Variants in DCLK2 observed in about 807,000 individuals in gnomAD.
DCLK2 encodes the protein doublecortin like kinase 2, also known as serine/threonine-protein kinase DCLK2.
In DCLK2, 31 loss-of-function variants were observed where a neutral mutation model predicts 78.4. That is an observed-to-expected ratio of 0.40 (90% CI 0.30 to 0.53). The LOEUF (loss-of-function observed/expected upper bound fraction) is 0.53. Among genes scored for constraint, DCLK2 ranks in the 20% least tolerant of loss-of-function variants. The pLI, the probability that DCLK2 is intolerant of heterozygous loss-of-function variation, is 0.61. For synonymous variants in DCLK2, 407 were observed against 374.9 expected (o/e 1.09, Z -0.99); for missense variants, 872 against 973.7 (o/e 0.90, Z 1.39).
intron 1 of DCLK2, among the ~76,000 whole-genome samples, chr4:150,099,616 A>G (rs1320569915): frequency 6.6e-6 from 1 of 152,214 alleles, no homozygotes; most frequent in Non-Finnish European, 1.5e-5. Context: ...CCATGTGCTG[A>G]ACCTATGTGC....
chr4:150,235,459 T>C (rs1167430270), intron 10 of DCLK2, among the ~76,000 whole-genome samples: 2 of 152,112 alleles, frequency 1.3e-5, no homozygotes, highest in Non-Finnish European at 2.9e-5. Context: ...ACACTCCTCA[T>C]TGAGTCTCAC....
chr4:150,228,135 T>C (rs1490193253), intron 8 of DCLK2, among the ~76,000 whole-genome samples: 1 of 152,282 alleles, frequency 6.6e-6, no homozygotes, highest in Non-Finnish European at 1.5e-5. Context: ...TCTAGGAACA[T>C]TTGTAGTGGC....
intron 2 of DCLK2, among the ~76,000 whole-genome samples, chr4:150,187,816 T>TG (rs1489337417): frequency 6.6e-6 from 1 of 151,258 alleles, no homozygotes; most frequent in Non-Finnish European, 1.5e-5. Context: ...TTTTTTTTTT[T>TG]TTGTGACAGA....
chr4:150,233,524 G>C (rs1485461802), intron 10 of DCLK2, among the ~76,000 whole-genome samples: 2 of 152,220 alleles, frequency 1.3e-5, no homozygotes, highest in Non-Finnish European at 2.9e-5. Context: ...GCTCATAGGA[G>C]ACAGGAGTAG....
In DCLK2 at chr4:150,190,797, C is replaced by T. The variant is rs118183333; in HGVS notation, c.757-2341C>T. On this transcript the variant is annotated intron_variant, in intron 2 of 15. Transcript: ENST00000296550. ...TTAACTGGGTGAATTGTGTGGTCTGCGAATTACAGCTCAATAAACGCTTTT... is the reference window on the plus strand; with the variant it reads ...TTAACTGGGTGAATTGTGTGGTCTGTGAATTACAGCTCAATAAACGCTTTT... Among the ~76,000 whole-genome samples the T allele has an allele frequency of 5.3e-5, 8 of 152,042 alleles. No individual in the cohort carries two copies. The East Asian group carries it at 5.8e-4, about 11-fold the overall frequency.
intron 1 of DCLK2, among the ~76,000 whole-genome samples, chr4:150,097,153 G>C (rs1730522599): frequency 6.6e-6 from 1 of 150,410 alleles, no homozygotes; most frequent in Non-Finnish European, 1.5e-5. Flanking sequence ...CAGAGAGTGA[G>C]AAATTGGAAA....
chr4:150,250,736 T>G (rs979148086), intron 15 of DCLK2, among the ~76,000 whole-genome samples: 1 of 151,670 alleles, frequency 6.6e-6, no homozygotes, highest in Non-Finnish European at 1.5e-5. Flanking sequence ...CCTTGTTTCC[T>G]ACCCAACTAG....
At chr4:150,173,210 G>T (rs769303476) in intron 2 of DCLK2, among the ~76,000 whole-genome samples, 1 of 152,134 alleles carries the variant, frequency 6.6e-6, no homozygotes, top group Non-Finnish European at 1.5e-5. Flanking sequence ...TCTGGGCTAT[G>T]GTGTGCAGCA....
At chr4:150,196,670 A>AG (rs1739056813) in intron 3 of DCLK2, among the ~76,000 whole-genome samples, 1 of 151,786 alleles carries the variant, frequency 6.6e-6, no homozygotes. Flanking sequence ...ACTGGGGCAA[A>AG]AAAAAAAAAC....
At chr4:150,132,521 A>G (rs1733389636) in intron 2 of DCLK2, among the ~76,000 whole-genome samples, 1 of 152,240 alleles carries the variant, frequency 6.6e-6, no homozygotes, top group South Asian at 2.1e-4. Flanking sequence ...TAAACACTGA[A>G]TTAACAAATA....
chr4:150,252,231 C>T (rs1744227222), intron 15 of DCLK2, among the ~76,000 whole-genome samples: 1 of 152,230 alleles, frequency 6.6e-6, no homozygotes, highest in Non-Finnish European at 1.5e-5. Context: ...GGTACACAGT[C>T]TTGCTGTGCA....
Position 150,182,978 on chromosome 4 carries a change from C to T in DCLK2, c.757-10160C>T, listed in dbSNP as rs186235766. Among the ~76,000 whole-genome samples the T allele has an allele frequency of 1.7e-3, 258 of 152,188 alleles. 4 individuals are homozygous for T. The highest frequency in any genetic ancestry group is 5.9e-3 in the African/African-American group (243 of 41,498). On this transcript the variant is annotated intron_variant, in intron 2 of 15. Transcript: ENST00000296550. Reference sequence around the variant, plus strand: ...TTTTGTTCTCTCTCTCTCTCTTTCACACCACCAACCGCCCCCACCACCTGC... The same window carrying T: ...TTTTGTTCTCTCTCTCTCTCTTTCATACCACCAACCGCCCCCACCACCTGC...
intron 2 of DCLK2, among the ~76,000 whole-genome samples, chr4:150,118,373 G>T (rs1732260090): frequency 6.6e-6 from 1 of 152,076 alleles, no homozygotes; most frequent in Admixed American, 6.5e-5. Context: ...TCTGAAAAAT[G>T]AAAAAGTAGA....
At chr4:150,237,586 C>A (rs1054890494) in intron 10 of DCLK2, among the ~76,000 whole-genome samples, 3 of 152,154 alleles carry the variant, frequency 2.0e-5, no homozygotes, top group Non-Finnish European at 4.4e-5. Context: ...TCAGTGCCGT[C>A]CTCTTTAAAA....
intron 7 of DCLK2, among the ~76,000 whole-genome samples, chr4:150,222,734 C>T (rs1006715064): frequency 1.8e-4 from 27 of 151,824 alleles, no homozygotes; most frequent in Non-Finnish European, 2.6e-4. Context: ...GGTTGGGTGG[C>T]ACACGCCTGA....
chr4:150,253,392 G>A (rs1342084623), intron 15 of DCLK2: 1 of 1,280,576 alleles, frequency 7.8e-7, no homozygotes, highest in Non-Finnish European at 1.0e-6. Flanking sequence ...AGACTTCAGT[G>A]AGAAAATGAT....
At chr4:150,140,773 A>G (rs1405060680) in intron 2 of DCLK2, among the ~76,000 whole-genome samples, 3 of 152,218 alleles carry the variant, frequency 2.0e-5, no homozygotes, top group Admixed American at 6.5e-5. Context: ...AATACTATAA[A>G]GAGGTTAAAA....
At chr4:150,097,100 A>G (rs1321405254) in intron 1 of DCLK2, among the ~76,000 whole-genome samples, 1 of 152,190 alleles carries the variant, frequency 6.6e-6, no homozygotes, top group African/African-American at 2.4e-5. Flanking sequence ...GACGTGCGAA[A>G]AATGGGCACA....
chr4:150,190,274 GATA>G (rs1560851015), intron 2 of DCLK2, among the ~76,000 whole-genome samples: 36 of 148,094 alleles, frequency 2.4e-4, no homozygotes, highest in African/African-American at 8.9e-4. Flanking sequence ...TAGATAGATA[GATA>G]GATAGATAGA....
Sources: gnomAD v4.1 joint callset for allele counts (sites outside exome capture counted in the v4.1 genomes callset) on GRCh38, gnomAD v4.1.1 for gene constraint, MANE v1.5 for transcripts, NCBI Gene and HGNC (gene_info 2026-07-23, HGNC 2026-07-21) for gene names.